The following DPP10 variants were observed in gnomAD, a reference collection of about 807,000 sequenced individuals.
The protein encoded by DPP10 is inactive dipeptidyl peptidase 10.
In DPP10, 33 loss-of-function variants were observed where a neutral mutation model predicts 120.9. The observed-to-expected ratio is 0.27, with a 90% CI of 0.21 to 0.37. DPP10 has a LOEUF of 0.37. Ranked by LOEUF, DPP10 falls within the 10% of genes least tolerant of loss-of-function variation. The pLI is 1.00. For synonymous variants in DPP10, 337 were observed against 326.1 expected (o/e 1.03, Z -0.36); for missense variants, 816 against 942.8 (o/e 0.87, Z 1.76).
At chr2:115,225,759 T>C (rs1449378320) in intron 1 of DPP10, among the ~76,000 whole-genome samples, 1 of 152,140 alleles carries the variant, frequency 6.6e-6, no homozygotes, top group Non-Finnish European at 1.5e-5. Flanking sequence ...TTTGTTTTAC[T>C]TTAATCAGCA....
intron 1 of DPP10, among the ~76,000 whole-genome samples, chr2:114,922,218 T>C (rs1695248069): frequency 6.6e-6 from 1 of 152,230 alleles, no homozygotes; most frequent in Non-Finnish European, 1.5e-5. Context: ...ACACTTTCAT[T>C]ACCTGAAAAA....
intron 3 of DPP10, among the ~76,000 whole-genome samples, chr2:115,368,799 AT>A (rs1289800753): frequency 7.6e-5 from 11 of 144,060 alleles, no homozygotes; most frequent in East Asian, 1.9e-4. Flanking sequence ...TTTAATTTTA[AT>A]TTTAATTTAA....
chr2:115,453,061 A>T (rs1298242083), intron 3 of DPP10, among the ~76,000 whole-genome samples: 2 of 151,700 alleles, frequency 1.3e-5, no homozygotes, highest in East Asian at 3.9e-4. Context: ...ACTTACTAGG[A>T]ATATCTGTTG....
intron 3 of DPP10, among the ~76,000 whole-genome samples, chr2:115,443,861 T>C (rs1051962572): frequency 5.2e-4 from 79 of 152,320 alleles, no homozygotes; most frequent in African/African-American, 1.8e-3. Context: ...GAAAATTCTT[T>C]GTTACAGGAG....
At chr2:115,333,032 T>A (rs1347264988) in intron 2 of DPP10, among the ~76,000 whole-genome samples, 1 of 152,052 alleles carries the variant, frequency 6.6e-6, no homozygotes, top group East Asian at 1.9e-4. Context: ...GTGTTAAAGT[T>A]TCCCATTAAT....
intron 1 of DPP10, among the ~76,000 whole-genome samples, chr2:115,090,633 T>C (rs768501410): frequency 3.9e-5 from 6 of 152,158 alleles, no homozygotes; most frequent in Non-Finnish European, 8.8e-5. Context: ...AAAAGTGGCT[T>C]AACAGTCAAA....
intron 1 of DPP10, among the ~76,000 whole-genome samples, chr2:114,937,297 C>G (rs367701825): frequency 6.6e-6 from 1 of 151,934 alleles, no homozygotes; most frequent in Non-Finnish European, 1.5e-5. Flanking sequence ...GTTTCGTTCT[C>G]CTACATGTGA....
chr2:114,442,876 T>C, intron 1 of DPP10, 38 bp downstream of exon 1: 1 of 1,610,060 alleles, frequency 6.2e-7, no homozygotes, highest in East Asian at 2.2e-5. Context: ...TGCACATGTG[T>C]CTTCATTCAT....
At chr2:115,508,035 T>G (rs974322027) in intron 4 of DPP10, among the ~76,000 whole-genome samples, 1 of 152,146 alleles carries the variant, frequency 6.6e-6, no homozygotes, top group African/African-American at 2.4e-5. Context: ...TGGGTAATTC[T>G]ATTTTGAATA....
chr2:114,774,235 T>C (rs959512279), intron 1 of DPP10, among the ~76,000 whole-genome samples: 1 of 152,112 alleles, frequency 6.6e-6, no homozygotes, highest in Non-Finnish European at 1.5e-5. Flanking sequence ...ACATGTATGA[T>C]GAAATTGACA....
chr2:115,681,591 T>C (rs1344365877), intron 5 of DPP10, among the ~76,000 whole-genome samples: 1 of 151,826 alleles, frequency 6.6e-6, no homozygotes, highest in Admixed American at 6.6e-5. Context: ...CCATATATTT[T>C]TGTCCTTTAA....
At chr2:115,249,604 A>G (rs915222409) in intron 1 of DPP10, among the ~76,000 whole-genome samples, 3 of 152,176 alleles carry the variant, frequency 2.0e-5, no homozygotes, top group African/African-American at 4.8e-5. Flanking sequence ...AACTTGTTAA[A>G]TGATCTGATC....
chr2:115,053,264 T>A (rs1313978637), intron 1 of DPP10, among the ~76,000 whole-genome samples: 1 of 152,196 alleles, frequency 6.6e-6, no homozygotes, highest in South Asian at 2.1e-4. Flanking sequence ...TATGTTCATG[T>A]AATGGAATAT....
At chr2:115,692,130 G>T (rs556464234) in intron 7 of DPP10, among the ~76,000 whole-genome samples, 2 of 152,038 alleles carry the variant, frequency 1.3e-5, no homozygotes, top group African/African-American at 4.8e-5. Context: ...ATGTAACTAG[G>T]TATGGTGGGG....
intron 1 of DPP10, among the ~76,000 whole-genome samples, chr2:114,753,397 T>C (rs1444940041): frequency 6.6e-6 from 1 of 152,186 alleles, no homozygotes; most frequent in Non-Finnish European, 1.5e-5. Flanking sequence ...TGAGCCTTAG[T>C]GTTATGCCTA....
At chr2:115,476,675 C>A (rs577637530) in intron 3 of DPP10, among the ~76,000 whole-genome samples, 1 of 152,120 alleles carries the variant, frequency 6.6e-6, no homozygotes, top group Admixed American at 6.5e-5. Context: ...CATCTCCTAC[C>A]AGGCTCCACT....
At chr2:115,739,154 T>C (rs1676952037) in intron 8 of DPP10, among the ~76,000 whole-genome samples, 1 of 152,104 alleles carries the variant, frequency 6.6e-6, no homozygotes, top group African/African-American at 2.4e-5. Flanking sequence ...CTCTCCTCTT[T>C]CTAATCTCCT....
intron 1 of DPP10, among the ~76,000 whole-genome samples, chr2:115,033,069 C>G (rs1703958897): frequency 6.6e-6 from 1 of 152,104 alleles, no homozygotes. Context: ...AGGGCACTTA[C>G]CCAGCAGTCA....
chr2:114,794,284 A>G (rs1574203811), intron 1 of DPP10, among the ~76,000 whole-genome samples: 1 of 151,878 alleles, frequency 6.6e-6, no homozygotes, highest in Non-Finnish European at 1.5e-5. Context: ...TGCTTAGAGA[A>G]CTCATTGTTT....
Sources: gnomAD v4.1 joint callset for allele counts (sites outside exome capture counted in the v4.1 genomes callset) on GRCh38, gnomAD v4.1.1 for gene constraint, MANE v1.5 for transcripts, NCBI Gene and HGNC (gene_info 2026-07-23, HGNC 2026-07-21) for gene names.